Variants in PLCXD3 observed in about 807,000 individuals in gnomAD.
The protein encoded by PLCXD3 is phosphatidylinositol specific phospholipase C X domain containing 3, also known as PI-PLC X domain-containing protein 3.
PLCXD3 carries 19 observed loss-of-function variants against 25.5 expected under a neutral mutation model. That is an observed-to-expected ratio of 0.75 (90% confidence interval 0.52 to 1.09). PLCXD3 has a LOEUF of 1.09. PLCXD3 is among the 50% of genes least tolerant of loss of function. The pLI, the probability that PLCXD3 is intolerant of heterozygous loss-of-function variation, is 0.00. For synonymous variants in PLCXD3, 174 were observed against 137.6 expected (o/e 1.26, Z -1.85); for missense variants, 411 against 388.1 (o/e 1.06, Z -0.50).
chr5:41,474,270 T>C (rs1748232549), intron 1 of PLCXD3, among the ~76,000 whole-genome samples: 1 of 152,168 alleles, frequency 6.6e-6, no homozygotes, highest in South Asian at 2.1e-4. Flanking sequence ...AACAGGTTCA[T>C]ATTATTACTA....
intron 2 of PLCXD3, among the ~76,000 whole-genome samples, chr5:41,347,811 TGA>T (rs1299905202): frequency 2.0e-5 from 3 of 152,224 alleles, no homozygotes; most frequent in African/African-American, 7.2e-5. Context: ...CAGGAAAGAC[TGA>T]GAGAGGAAAA....
chr5:41,465,871 C>T (rs1486985856), intron 1 of PLCXD3, among the ~76,000 whole-genome samples: 1 of 152,106 alleles, frequency 6.6e-6, no homozygotes, highest in African/African-American at 2.4e-5. Flanking sequence ...AGTTCAATTT[C>T]AGAATATAAT....
chr5:41,387,900 TG>T (rs1437768221), intron 1 of PLCXD3, among the ~76,000 whole-genome samples: 48 of 152,212 alleles, frequency 3.2e-4, no homozygotes, highest in African/African-American at 1.1e-3. Context: ...TAGGCACTAT[TG>T]TGTAGCATGG....
intron 1 of PLCXD3, among the ~76,000 whole-genome samples, chr5:41,455,325 A>G (rs1295009441): frequency 6.6e-6 from 1 of 151,928 alleles, no homozygotes; most frequent in Admixed American, 6.6e-5. Context: ...GAGGACTTTC[A>G]TTTATTTATT....
intron 2 of PLCXD3, among the ~76,000 whole-genome samples, chr5:41,328,125 CCATTTATTATGAGCAAGTTGGTCAT>C (rs1283785477): frequency 1.3e-5 from 2 of 152,118 alleles, no homozygotes; most frequent in Non-Finnish European, 2.9e-5. Context: ...GGTTTAAGCT[CCATTTATTATGAGCAAGTTGGTCAT>C]CACTCTAAGC....
At chr5:41,403,395 TTTG>T (rs1746247288) in intron 1 of PLCXD3, among the ~76,000 whole-genome samples, 1 of 32,430 alleles carries the variant, frequency 3.1e-5, no homozygotes, top group South Asian at 6.7e-4. Context: ...GATTGACTTA[TTTG>T]TTGTTTTTTT....
At chr5:41,501,109 G>A (rs935621511) in intron 1 of PLCXD3, among the ~76,000 whole-genome samples, 1 of 152,018 alleles carries the variant, frequency 6.6e-6, no homozygotes, top group African/African-American at 2.4e-5. Context: ...GTTGGTGGAA[G>A]TGTAAAATTG....
chr5:41,410,074 A>T (rs1212698162), intron 1 of PLCXD3, among the ~76,000 whole-genome samples: 1 of 152,120 alleles, frequency 6.6e-6, no homozygotes, highest in African/African-American at 2.4e-5. Context: ...CAAAGAAAAT[A>T]CTGCCACAGC....
At chr5:41,474,246 G>T (rs1748232263) in intron 1 of PLCXD3, among the ~76,000 whole-genome samples, 1 of 152,124 alleles carries the variant, frequency 6.6e-6, no homozygotes, top group South Asian at 2.1e-4. Flanking sequence ...TAACTGGTAG[G>T]CTTCTTAATT....
rs747828256 is a variant in PLCXD3 at position 41,382,249 on chromosome 5, G to T, written c.389C>A (p.Ala130Glu). 5 of 1,613,746 alleles carry T rather than the reference G, an allele frequency of 3.1e-6. No homozygotes were observed. The Admixed American group carries it at 6.7e-5, about 22-fold the overall frequency. Residue 130 changes from alanine to glutamate, a missense_variant, in exon 2 of 3, where the codon GCA becomes GAA. Coordinates refer to ENST00000377801, the MANE Select transcript of PLCXD3 (RefSeq NM_001005473.3). The part of the protein sequence containing the change: ...KVNEGLEEIN[A>E]FLTDHHKEVV... ...CTCCTTATGGTGATCTGTGAGGAAT[G>T]CATTGATCTCCTCAAGGCCTTCATT...
intron 1 of PLCXD3, among the ~76,000 whole-genome samples, chr5:41,397,268 T>C (rs1253303430): frequency 1.3e-5 from 2 of 152,152 alleles, no homozygotes; most frequent in Admixed American, 1.3e-4. Flanking sequence ...TGTGTAGTAT[T>C]GGGACCTGGA....
At chr5:41,490,806 C>A (rs868798349) in intron 1 of PLCXD3, among the ~76,000 whole-genome samples, 1 of 152,248 alleles carries the variant, frequency 6.6e-6, no homozygotes, top group Admixed American at 6.5e-5. Flanking sequence ...TTTACTGCAT[C>A]TATTTGATTC....
chr5:41,387,831 C>T (rs912108131), intron 1 of PLCXD3, among the ~76,000 whole-genome samples: 1 of 152,078 alleles, frequency 6.6e-6, no homozygotes, highest in Non-Finnish European at 1.5e-5. Context: ...CATAAATTTA[C>T]AGCTTAATAT....
chr5:41,409,674 A>G (rs543757700), intron 1 of PLCXD3, among the ~76,000 whole-genome samples: 1 of 152,338 alleles, frequency 6.6e-6, no homozygotes, highest in East Asian at 1.9e-4. Flanking sequence ...GAGAATTAGT[A>G]TAGAATCTGT....
At chr5:41,454,496 G>T (rs1747708408) in intron 1 of PLCXD3, among the ~76,000 whole-genome samples, 1 of 151,936 alleles carries the variant, frequency 6.6e-6, no homozygotes, top group South Asian at 2.1e-4. Flanking sequence ...TCCCATTCTT[G>T]TGGACAGAGC....
chr5:41,405,341 T>C (rs1459525398), intron 1 of PLCXD3, among the ~76,000 whole-genome samples: 1 of 152,156 alleles, frequency 6.6e-6, no homozygotes, highest in Non-Finnish European at 1.5e-5. Flanking sequence ...TAGTCTCTTC[T>C]GTAACCAACA....
In PLCXD3 at chr5:41,449,675, A is replaced by G. The variant is rs1747582972; in HGVS notation, c.103+60749T>C. 2.0e-5 allele frequency among the ~76,000 whole-genome samples: 3 copies of G among 152,226 alleles called. No homozygotes were observed. The South Asian group carries it at 6.2e-4, about 32-fold the overall frequency. On this transcript the variant is annotated intron_variant, in intron 1 of 2. Coordinates refer to ENST00000377801, the MANE Select transcript of PLCXD3 (RefSeq NM_001005473.3). The stretch of plus-strand genomic sequence containing the variant: ...AGTGGGGTTCCATCCTACTGGGAAT[A>G]CCTAGGACATACTATAGGAGTGCCT...
In PLCXD3 at chr5:41,510,519, G is replaced by C. The variant is rs771943902; in HGVS notation, c.8C>G (p.Ser3Trp). ...TTTCAGCTCGTTTTTCCCCTGAGAC[G>C]AGGCCATCGTGCCAGTCGGCGTGCA... is the stretch of plus-strand genomic sequence containing the variant. MASSQGKNELKLA... is the reference protein window; with the variant it reads MAWSQGKNELKLA... The change falls in exon 1 of 3, where the codon TCG becomes TGG. Residue 3 changes from serine (S) to tryptophan (W), a missense_variant. Physicochemically the swap from Ser to Trp is radical, Grantham distance 177 (BLOSUM62 -3). Transcript: ENST00000377801. 6.2e-7 allele frequency: 1 copy of C among 1,612,792 alleles called. No individual in the cohort carries two copies. Among genetic ancestry groups the C allele is most frequent in the African/African-American group, 1.3e-5 (1 of 74,842 alleles).
intron 1 of PLCXD3, among the ~76,000 whole-genome samples, chr5:41,493,828 G>A (rs564106081): frequency 3.3e-5 from 5 of 152,308 alleles, no homozygotes; most frequent in African/African-American, 7.2e-5. Flanking sequence ...GATTTTCCAG[G>A]TGCCGTCTGT....
Sources: gnomAD v4.1 joint callset for allele counts (sites outside exome capture counted in the v4.1 genomes callset) on GRCh38, gnomAD v4.1.1 for gene constraint, MANE v1.5 for transcripts, NCBI Gene and HGNC (gene_info 2026-07-23, HGNC 2026-07-21) for gene names.